The following ATP8B4 variants were observed in gnomAD, a reference collection of about 807,000 sequenced individuals.
ATP8B4 encodes the protein ATPase phospholipid transporting 8B4 (putative), also known as probable phospholipid-transporting ATPase IM.
A neutral mutation model predicts 145.6 loss-of-function variants in ATP8B4; 133 were observed. The observed-to-expected ratio is 0.91, with a 90% CI of 0.79 to 1.05. The LOEUF (loss-of-function observed/expected upper bound fraction) is 1.05. ATP8B4 is among the 50% of genes least tolerant of loss of function. The probability of loss-of-function intolerance (pLI) is 0.00; values close to 1 mark genes in which losing one functional copy is unlikely to be tolerated. For missense variants in ATP8B4, 1,458 were observed against 1,425.2 expected, an observed-to-expected ratio of 1.02 and a Z score of -0.37; for synonymous variants, 507 against 492.9, an observed-to-expected ratio of 1.03 and a Z score of -0.38.
chr15:50,168,520 G>T (rs1246446077), intron 1 of ATP8B4, among the ~76,000 whole-genome samples: 1 of 152,200 alleles, frequency 6.6e-6, no homozygotes, highest in Non-Finnish European at 1.5e-5. Flanking sequence ...GCAGCAGAAA[G>T]GCCCTGGGAG....
chr15:49,866,931 T>C (rs2153379847), intron 25 of ATP8B4, among the ~76,000 whole-genome samples: 1 of 152,344 alleles, frequency 6.6e-6, no homozygotes, highest in East Asian at 1.9e-4. Flanking sequence ...ACATGCATGA[T>C]CTTTTTTACA....
chr15:49,941,385 G>A (rs940093775), intron 14 of ATP8B4, among the ~76,000 whole-genome samples: 1 of 152,118 alleles, frequency 6.6e-6, no homozygotes, highest in African/African-American at 2.4e-5. Flanking sequence ...GAGAGAAAAA[G>A]TTTGACCTAT....
At chr15:49,939,953 T>C (rs1298737025) in intron 14 of ATP8B4, among the ~76,000 whole-genome samples, 1 of 151,876 alleles carries the variant, frequency 6.6e-6, no homozygotes, top group Non-Finnish European at 1.5e-5. Context: ...TTGGTGGGAG[T>C]GTAAATTAGT....
intron 20 of ATP8B4, among the ~76,000 whole-genome samples, chr15:49,905,982 A>T (rs1016083661): frequency 6.6e-6 from 1 of 150,454 alleles, no homozygotes; most frequent in African/African-American, 2.5e-5. Context: ...ACACATGCAC[A>T]CACACTTTTT....
intron 17 of ATP8B4, 61 bp downstream of exon 17, chr15:49,923,318 G>T: frequency 2.6e-6 from 3 of 1,166,356 alleles, no homozygotes; most frequent in South Asian, 1.4e-5. Context: ...TTTTAAACAA[G>T]ACCTAACCAT....
chr15:50,111,980 C>G (rs1374140937), intron 1 of ATP8B4, among the ~76,000 whole-genome samples: 2 of 152,042 alleles, frequency 1.3e-5, no homozygotes, highest in East Asian at 1.9e-4. Flanking sequence ...CCAGCCTGAG[C>G]AAATTGTGAG....
At chr15:49,922,291 A>G (rs2040331328) in intron 17 of ATP8B4, 1 of 329,684 alleles carries the variant, frequency 3.0e-6, no homozygotes, top group Admixed American at 4.5e-5. Flanking sequence ...TTTAGTATTA[A>G]AGGAGAATGT....
intron 2 of ATP8B4, among the ~76,000 whole-genome samples, chr15:50,102,553 G>A (rs1236430289): frequency 1.8e-4 from 28 of 151,916 alleles, no homozygotes; most frequent in Admixed American, 1.8e-3. Context: ...GGAACAAACA[G>A]AAACTCTGAA....
intron 1 of ATP8B4, among the ~76,000 whole-genome samples, chr15:50,109,509 G>C (rs2056839907): frequency 6.6e-6 from 1 of 152,030 alleles, no homozygotes; most frequent in African/African-American, 2.4e-5. Context: ...GAGGGTAAAG[G>C]CTCATCAGCA....
At chr15:50,140,963 A>G (rs1203456411) in intron 1 of ATP8B4, among the ~76,000 whole-genome samples, 1 of 152,178 alleles carries the variant, frequency 6.6e-6, no homozygotes, top group Non-Finnish European at 1.5e-5. Flanking sequence ...CAATTAGACT[A>G]TCCTTGAAAG....
intron 2 of ATP8B4, among the ~76,000 whole-genome samples, chr15:50,103,691 C>A (rs1409342261): frequency 2.0e-5 from 3 of 152,052 alleles, no homozygotes; most frequent in Non-Finnish European, 4.4e-5. Context: ...CAATTCCCAT[C>A]AAAATACCAA....
chr15:50,018,186 C>T (rs2049247244), intron 6 of ATP8B4, among the ~76,000 whole-genome samples: 2 of 152,048 alleles, frequency 1.3e-5, no homozygotes, highest in Non-Finnish European at 2.9e-5. Context: ...CAGCGTTTCG[C>T]CATGTTGGCC....
Position 50,148,393 on chromosome 15 carries a change from G to A in ATP8B4, c.-43+33868C>T, listed in dbSNP as rs147485562. Among the ~76,000 whole-genome samples, 1,035 of 152,266 alleles carry A rather than the reference G, an allele frequency of 6.8e-3. 7 individuals carry two copies. The highest frequency in any genetic ancestry group is 0.024 in the African/African-American group (1,001 of 41,538). Reference sequence around the variant, plus strand: ...TAAGACATTGCAATGGGTTGAATGTGTCCCCTCCAAAATGTAGGTGTTGCC... The same window carrying A: ...TAAGACATTGCAATGGGTTGAATGTATCCCCTCCAAAATGTAGGTGTTGCC... On this transcript the variant is annotated intron_variant, in intron 1 of 3. Transcript: ENST00000558829.
intron 10 of ATP8B4, among the ~76,000 whole-genome samples, chr15:49,982,909 G>T (rs1049158586): frequency 2.0e-5 from 3 of 152,066 alleles, no homozygotes; most frequent in Non-Finnish European, 4.4e-5. Flanking sequence ...TGACACTGTT[G>T]ACTATTCCAT....
At chr15:50,163,070 G>C (rs2044545163) in intron 1 of ATP8B4, among the ~76,000 whole-genome samples, 1 of 152,096 alleles carries the variant, frequency 6.6e-6, no homozygotes, top group Admixed American at 6.5e-5. Context: ...CAGTTATTTT[G>C]TCTTTTCTGT....
intron 3 of ATP8B4, among the ~76,000 whole-genome samples, chr15:50,062,528 A>G (rs1182255093): frequency 6.6e-6 from 1 of 152,170 alleles, no homozygotes; most frequent in Non-Finnish European, 1.5e-5. Context: ...GTCCAAGACA[A>G]CATGGCTGAT....
chr15:49,920,335 G>A lies in ATP8B4; in HGVS notation c.1834C>T (p.His612Tyr), dbSNP rs1439961418. ...DLDDKYFKEW[H>Y]KMLEDANAAT... Reference sequence around the variant, plus strand: ...GCATTCGCATCTTCAAGCATCTTATGCCACTCTTTAAAGTACTTGTCATCC... The same window carrying A: ...GCATTCGCATCTTCAAGCATCTTATACCACTCTTTAAAGTACTTGTCATCC... The change falls in exon 18 of 28, where the codon CAT becomes TAT. Residue 612 changes from histidine (H) to tyrosine (Y), a missense_variant. Coordinates refer to ENST00000284509, the MANE Select transcript of ATP8B4 (RefSeq NM_024837.4). The A allele has an allele frequency of 1.9e-6, 3 of 1,614,104 alleles. No individual in the cohort carries two copies. The highest frequency in any genetic ancestry group is 4.5e-5 in the East Asian group (2 of 44,884).
chr15:50,137,151 AAC>A (rs2044133668), intron 1 of ATP8B4, among the ~76,000 whole-genome samples: 1 of 152,228 alleles, frequency 6.6e-6, no homozygotes, highest in African/African-American at 2.4e-5. Context: ...GCACTGATTT[AAC>A]GTCAATCTTC....
At chr15:49,995,914 T>C (rs2047388797) in intron 9 of ATP8B4, among the ~76,000 whole-genome samples, 1 of 152,244 alleles carries the variant, frequency 6.6e-6, no homozygotes, top group East Asian at 1.9e-4. Context: ...AATCAGTGTC[T>C]CTTTCCTTTG....
Sources: allele counts gnomAD v4.1 joint callset (sites outside exome capture counted in the v4.1 genomes callset), GRCh38; gene constraint gnomAD v4.1.1; transcripts MANE v1.5; gene names NCBI Gene and HGNC (gene_info 2026-07-23, HGNC 2026-07-21).